The following GRM5 variants were observed in gnomAD, a reference collection of about 807,000 sequenced individuals.
The protein encoded by GRM5 is glutamate metabotropic receptor 5, also known as metabotropic glutamate receptor 5.
In GRM5, 19 loss-of-function variants were observed where a neutral mutation model predicts 83.1. That is an observed-to-expected ratio of 0.23 (90% confidence interval 0.16 to 0.34). The LOEUF is 0.34. GRM5 is among the 10% of genes least tolerant of loss of function. GRM5 has a pLI of 1.00. For missense variants in GRM5, 1,160 were observed against 1,588.3 expected, an observed-to-expected ratio of 0.73 and a Z score of 4.58; for synonymous variants, 675 against 633.6, an observed-to-expected ratio of 1.07 and a Z score of -0.98.
chr11:88,935,676 T>C (rs2135655964), intron 2 of GRM5, among the ~76,000 whole-genome samples: 1 of 152,026 alleles, frequency 6.6e-6, no homozygotes, highest in Admixed American at 6.6e-5. Flanking sequence ...GCCTCACTCC[T>C]TCAACGGATG....
At chr11:89,050,897 T>C (rs907721267) in intron 1 of GRM5, among the ~76,000 whole-genome samples, 3 of 151,734 alleles carry the variant, frequency 2.0e-5, no homozygotes, top group Non-Finnish European at 2.9e-5. Context: ...AAATCAGAGG[T>C]GAATGATGAG....
At chr11:88,602,676 T>C (rs899381360) in intron 5 of GRM5, among the ~76,000 whole-genome samples, 2 of 151,342 alleles carry the variant, frequency 1.3e-5, no homozygotes, top group Non-Finnish European at 2.9e-5. Context: ...TGTTGTATAA[T>C]GTTAGAAGTT....
At chr11:88,564,878 T>G (rs1368754887) in intron 8 of GRM5, among the ~76,000 whole-genome samples, 2 of 151,034 alleles carry the variant, frequency 1.3e-5, no homozygotes, top group African/African-American at 4.8e-5. Flanking sequence ...AAACTCAGAT[T>G]GTATAATCAA....
At position 89,009,900 on chromosome 11, in the gene GRM5, C is replaced by CAAA. The variant is rs758398638; in HGVS notation, c.661+37309_661+37311dup. Among the ~76,000 whole-genome samples, 107 of 21,254 alleles carry CAAA rather than the reference C, an allele frequency of 5.0e-3. 5 individuals are homozygous for CAAA. Among genetic ancestry groups the CAAA allele is most frequent in the East Asian group, 8.6e-3 (6 of 696 alleles). 13.9% of individuals were successfully genotyped at this position (21,254 alleles called of 152,430 possible). On this transcript the variant is annotated intron_variant, in intron 2 of 9. Transcript: ENST00000305447. ...TGGGCGACAGAGCGAGACTCCGTCT[C>CAAA]AAAAAAAAAAAAAAAAAAAAAAAAA...
intron 3 of GRM5, among the ~76,000 whole-genome samples, chr11:88,706,494 G>A (rs954262750): frequency 1.3e-5 from 2 of 152,206 alleles, no homozygotes; most frequent in African/African-American, 2.4e-5. Context: ...ACATTGAAGA[G>A]TGAAGTCCCC....
chr11:88,978,216 T>G (rs1250947642), intron 2 of GRM5, among the ~76,000 whole-genome samples: 1 of 151,956 alleles, frequency 6.6e-6, no homozygotes, highest in African/African-American at 2.4e-5. Context: ...AGATCTTATG[T>G]TAATTGTTCT....
chr11:88,673,970 G>A (rs569961175), intron 3 of GRM5, among the ~76,000 whole-genome samples: 1 of 151,856 alleles, frequency 6.6e-6, no homozygotes, highest in East Asian at 1.9e-4. Flanking sequence ...ACAAGCAGAT[G>A]TGAGGGTGAA....
rs537544459 is a variant in GRM5, at chr11:88,773,170, T to C, written c.911+76736A>G. ...ACTGGCATGAGATGGTATCTCATTG[T>C]GGTTTTGATTTGCATTTCTCTGATG... On this transcript the variant is annotated intron_variant, in intron 3 of 9. Transcript: ENST00000305447. Among the ~76,000 whole-genome samples, 17 of 152,310 alleles carry C rather than the reference T, an allele frequency of 1.1e-4. 3 individuals are homozygous for C. The highest frequency in any genetic ancestry group is 1.0e-3 in the Admixed American group (16 of 15,304).
chr11:88,880,667 T>C (rs950139803), intron 2 of GRM5, among the ~76,000 whole-genome samples: 8 of 152,302 alleles, frequency 5.3e-5, no homozygotes, highest in African/African-American at 1.7e-4. Flanking sequence ...ATTTGACTTA[T>C]ATCATGACAA....
At chr11:88,766,692 A>C (rs1328318845) in intron 3 of GRM5, among the ~76,000 whole-genome samples, 1 of 151,882 alleles carries the variant, frequency 6.6e-6, no homozygotes, top group Non-Finnish European at 1.5e-5. Flanking sequence ...CAACAGAAAC[A>C]AAAATTGACA....
At chr11:88,525,552 T>C (rs765841414) in intron 8 of GRM5, 148 bp from the exon 9 acceptor site, 21 of 649,944 alleles carry the variant, frequency 3.2e-5, no homozygotes, top group East Asian at 5.1e-5. Flanking sequence ...CAACCTGTGA[T>C]ACTTATTAGA....
At chr11:89,024,368 C>T (rs956143077) in intron 2 of GRM5, among the ~76,000 whole-genome samples, 4 of 152,208 alleles carry the variant, frequency 2.6e-5, no homozygotes, top group African/African-American at 9.6e-5. Context: ...CTCAACTGCA[C>T]CATCACTAAA....
At chr11:88,973,332 G>A (rs1465940750) in intron 2 of GRM5, among the ~76,000 whole-genome samples, 1 of 152,128 alleles carries the variant, frequency 6.6e-6, no homozygotes, top group Non-Finnish European at 1.5e-5. Flanking sequence ...CTGTTTAAGT[G>A]TTGTCATATA....
intron 2 of GRM5, among the ~76,000 whole-genome samples, chr11:88,874,910 T>G (rs1944824810): frequency 6.6e-6 from 1 of 152,002 alleles, no homozygotes; most frequent in Admixed American, 6.6e-5. Context: ...TAAAATATGC[T>G]GAAACATGCT....
intron 2 of GRM5, among the ~76,000 whole-genome samples, chr11:88,909,755 A>G (rs2135606913): frequency 6.6e-6 from 1 of 152,174 alleles, no homozygotes; most frequent in Middle Eastern, 3.4e-3. Context: ...CAAATGAGAA[A>G]CACAATAATA....
Position 88,956,323 on chromosome 11 carries a change from T to A in GRM5, c.661+90889A>T, listed in dbSNP as rs568302463. 1.1e-4 allele frequency among the ~76,000 whole-genome samples: 17 copies of A among 152,356 alleles called. No homozygotes were observed. The South Asian group carries it at 3.5e-3, about 32-fold the overall frequency. On this transcript the variant is annotated intron_variant, in intron 2 of 9. Transcript: ENST00000305447. Reference sequence around the variant, plus strand: ...TCTTAGTGATAGACGATATTTATCATGGTACACTGATTCTAATTAAGTGAA... The same window carrying A: ...TCTTAGTGATAGACGATATTTATCAAGGTACACTGATTCTAATTAAGTGAA...
At chr11:88,760,426 AATGCCTCT>A (rs1942488245) in intron 3 of GRM5, among the ~76,000 whole-genome samples, 2 of 152,158 alleles carry the variant, frequency 1.3e-5, no homozygotes, top group Admixed American at 1.3e-4. Context: ...AAATATTGTG[AATGCCTCT>A]ATGCACACAA....
chr11:88,744,258 A>G (rs1942086688), intron 3 of GRM5, among the ~76,000 whole-genome samples: 1 of 152,172 alleles, frequency 6.6e-6, no homozygotes, highest in African/African-American at 2.4e-5. Context: ...AAAAAATGAC[A>G]GGAAAGAAAA....
intron 2 of GRM5, among the ~76,000 whole-genome samples, chr11:88,851,868 C>T (rs1944394624): frequency 6.6e-6 from 1 of 152,142 alleles, no homozygotes; most frequent in African/African-American, 2.4e-5. Context: ...GTCATGATGG[C>T]AGGTGGGCAA....
Sources: gnomAD v4.1 joint callset for allele counts (sites outside exome capture counted in the v4.1 genomes callset) on GRCh38, gnomAD v4.1.1 for gene constraint, MANE v1.5 for transcripts, NCBI Gene and HGNC (gene_info 2026-07-23, HGNC 2026-07-21) for gene names.